COG5: variants seen among roughly 807,000 people sequenced by gnomAD.
The protein encoded by COG5 is conserved oligomeric Golgi complex subunit 5.
In COG5, 86 loss-of-function variants were observed where a neutral mutation model predicts 110.4. The ratio of observed to expected loss-of-function variants is 0.78; its 90% CI spans 0.65 to 0.93. The LOEUF (loss-of-function observed/expected upper bound fraction) is 0.93, where lower values mean the gene tolerates loss of function less well. COG5 is among the 40% of genes least tolerant of loss of function. The pLI, the probability that COG5 is intolerant of heterozygous loss-of-function variation, is 0.00. For missense variants in COG5, 1,077 were observed against 987.0 expected, an observed-to-expected ratio of 1.09 and a Z score of -1.22; for synonymous variants, 360 against 334.6, an observed-to-expected ratio of 1.08 and a Z score of -0.83.
intron 11 of COG5, among the ~76,000 whole-genome samples, chr7:107,311,554 C>T (rs556440343): frequency 1.1e-4 from 16 of 149,698 alleles, no homozygotes; most frequent in East Asian, 7.9e-4. Flanking sequence ...CCACCGCGCC[C>T]GGCTAATTTT....
At chr7:107,501,028 T>C (rs182964859) in intron 6 of COG5, among the ~76,000 whole-genome samples, 112 of 152,204 alleles carry the variant, frequency 7.4e-4, no homozygotes, top group African/African-American at 2.6e-3. Flanking sequence ...CTTTTCTATA[T>C]ATAAAGGAAT....
intron 2 of COG5, among the ~76,000 whole-genome samples, chr7:107,557,252 A>T (rs1241976064): frequency 1.3e-5 from 2 of 152,288 alleles, no homozygotes; most frequent in Non-Finnish European, 2.9e-5. Context: ...TTCCTGGTAA[A>T]CAATCTATGT....
At chr7:107,275,231 T>C (rs750043350) in intron 14 of COG5, among the ~76,000 whole-genome samples, 21 of 150,252 alleles carry the variant, frequency 1.4e-4, no homozygotes, top group Non-Finnish European at 1.0e-4. Flanking sequence ...AGGTGGGAGG[T>C]TGCTTGAGGC....
At chr7:107,391,577 TC>T (rs1017538289) in intron 7 of COG5, among the ~76,000 whole-genome samples, 4 of 152,196 alleles carry the variant, frequency 2.6e-5, no homozygotes, top group African/African-American at 9.6e-5. Flanking sequence ...TCATGACACT[TC>T]CCCCTATGTT....
intron 10 of COG5, among the ~76,000 whole-genome samples, chr7:107,333,217 C>A (rs1810421026): frequency 1.3e-5 from 2 of 152,126 alleles, no homozygotes. Flanking sequence ...TAATCATTTT[C>A]TGGATTCAAA....
chr7:107,266,094 G>A (rs1012875907), intron 14 of COG5, among the ~76,000 whole-genome samples: 5 of 151,994 alleles, frequency 3.3e-5, no homozygotes, highest in Admixed American at 6.6e-5. Flanking sequence ...ACACGTGTGT[G>A]TGAGAGAGTT....
chr7:107,560,788 C>T (rs1182353924), intron 1 of COG5, among the ~76,000 whole-genome samples: 1 of 152,032 alleles, frequency 6.6e-6, no homozygotes, highest in Admixed American at 6.5e-5. Context: ...ATAGAAATGT[C>T]CATACAGGTT....
chr7:107,393,938 T>C (rs1324947133), intron 7 of COG5, among the ~76,000 whole-genome samples: 4 of 151,880 alleles, frequency 2.6e-5, no homozygotes, highest in Admixed American at 1.3e-4. Context: ...TAAAAGACCA[T>C]GTAACAGGGT....
chr7:107,452,603 T>C (rs1795406099), intron 6 of COG5, among the ~76,000 whole-genome samples: 1 of 152,182 alleles, frequency 6.6e-6, no homozygotes, highest in South Asian at 2.1e-4. Flanking sequence ...ACAAGCACTC[T>C]CTTTGGCCCC....
chr7:107,534,650 G>A (rs1401552115), intron 5 of COG5, among the ~76,000 whole-genome samples: 1 of 151,378 alleles, frequency 6.6e-6, no homozygotes, highest in Non-Finnish European at 1.5e-5. Flanking sequence ...CGCAATACAG[G>A]ACCACCCAGA....
chr7:107,366,009 T>C (rs530792738), intron 8 of COG5, among the ~76,000 whole-genome samples: 2 of 151,932 alleles, frequency 1.3e-5, no homozygotes, highest in African/African-American at 4.8e-5. Flanking sequence ...AGACTTAACA[T>C]AGACACTGGG....
At chr7:107,508,622 G>A (rs1799230143) in intron 6 of COG5, among the ~76,000 whole-genome samples, 2 of 152,158 alleles carry the variant, frequency 1.3e-5, no homozygotes, top group African/African-American at 2.4e-5. Context: ...TAACTGGGAG[G>A]CACCCCCCAG....
At chr7:107,358,762 A>C (rs1812846280) in intron 10 of COG5, among the ~76,000 whole-genome samples, 2 of 152,172 alleles carry the variant, frequency 1.3e-5, no homozygotes, top group Non-Finnish European at 2.9e-5. Context: ...TGGACTCATA[A>C]GCTCAAGTTG....
chr7:107,408,688 G>A (rs1584784788), intron 7 of COG5, among the ~76,000 whole-genome samples: 1 of 152,186 alleles, frequency 6.6e-6, no homozygotes, highest in Non-Finnish European at 1.5e-5. Flanking sequence ...ATGGGGCCTG[G>A]TGTATAGTCC....
chr7:107,389,151 A>G (rs1165916923), intron 7 of COG5, among the ~76,000 whole-genome samples: 1 of 152,184 alleles, frequency 6.6e-6, no homozygotes, highest in African/African-American at 2.4e-5. Context: ...TCACCTGGGC[A>G]GACACCCGCT....
At chr7:107,335,440 A>C (rs1345765547) in intron 10 of COG5, among the ~76,000 whole-genome samples, 1 of 152,214 alleles carries the variant, frequency 6.6e-6, no homozygotes, top group East Asian at 1.9e-4. Flanking sequence ...TAAGCCTCAT[A>C]ATAATGATTC....
At chr7:107,367,176 G>T (rs1360431185) in intron 8 of COG5, among the ~76,000 whole-genome samples, 1 of 152,006 alleles carries the variant, frequency 6.6e-6, no homozygotes, top group Non-Finnish European at 1.5e-5. Context: ...GGGAAAGAAA[G>T]TGTAAATAAA....
intron 5 of COG5, among the ~76,000 whole-genome samples, chr7:107,543,165 C>G (rs1268150350): frequency 2.0e-5 from 3 of 152,096 alleles, no homozygotes; most frequent in African/African-American, 4.8e-5. Context: ...GAACCACTAT[C>G]CATACACAAA....
chr7:107,358,566 T>A (rs1275782345), intron 10 of COG5, among the ~76,000 whole-genome samples: 1 of 152,200 alleles, frequency 6.6e-6, no homozygotes, highest in African/African-American at 2.4e-5. Flanking sequence ...ATTGCAAGGT[T>A]GGTATTTGGC....
Sources: gnomAD v4.1 joint callset for allele counts (sites outside exome capture counted in the v4.1 genomes callset) on GRCh38, gnomAD v4.1.1 for gene constraint, MANE v1.5 for transcripts, NCBI Gene and HGNC (gene_info 2026-07-23, HGNC 2026-07-21) for gene names.